The following SLC5A1 variants were observed in gnomAD, a reference collection of about 807,000 sequenced individuals.
SLC5A1 encodes the protein solute carrier family 5 member 1, also known as sodium/glucose cotransporter 1.
A neutral mutation model predicts 73.5 loss-of-function variants in SLC5A1; 42 were observed. The ratio of observed to expected loss-of-function variants is 0.57; its 90% CI spans 0.45 to 0.74. The LOEUF (loss-of-function observed/expected upper bound fraction) is 0.74. Among genes scored for constraint, SLC5A1 ranks in the 30% least tolerant of loss-of-function variants. The pLI, the probability that SLC5A1 is intolerant of heterozygous loss-of-function variation, is 0.00. For synonymous variants in SLC5A1, 300 were observed against 317.4 expected, an observed-to-expected ratio of 0.95 and a Z score of 0.58; for missense variants, 634 against 855.4, an observed-to-expected ratio of 0.74 and a Z score of 3.23.
intron 12 of SLC5A1, among the ~76,000 whole-genome samples, chr22:32,100,042 T>C (rs1466998542): frequency 6.6e-6 from 1 of 152,196 alleles, no homozygotes; most frequent in Non-Finnish European, 1.5e-5. Flanking sequence ...TGGAAGAATT[T>C]GAAGTTGGAG....
intron 4 of SLC5A1, 31 bp from the exon 5 acceptor site, chr22:32,068,465 C>G: frequency 7.3e-7 from 1 of 1,368,932 alleles, no homozygotes; most frequent in Non-Finnish European, 1.0e-6. Context: ...GTCACTGTGG[C>G]TGGCAGTGAC....
chr22:32,060,141 A>G (rs1377395481), intron 2 of SLC5A1, among the ~76,000 whole-genome samples: 3 of 19,096 alleles, frequency 1.6e-4, no homozygotes, highest in African/African-American at 3.2e-4. Flanking sequence ...ATATATATAC[A>G]CATACACACA....
intron 10 of SLC5A1, 21 bp downstream of exon 10, chr22:32,086,348 G>T (rs534687072): frequency 6.6e-7 from 1 of 1,521,546 alleles, no homozygotes; most frequent in South Asian, 1.1e-5. Flanking sequence ...TTCTTGGGAG[G>T]TTGGTAGAGT....
intron 5 of SLC5A1, among the ~76,000 whole-genome samples, chr22:32,080,752 T>C (rs1431873970): frequency 3.3e-5 from 5 of 152,166 alleles, no homozygotes; most frequent in African/African-American, 4.8e-5. Context: ...TCCCAGCACT[T>C]TGGGAGTCCA....
At position 32,069,970 on chromosome 22, in the gene SLC5A1, T is replaced by C. The variant is rs16989834; in HGVS notation, c.477+1370T>C. ...CCCTGCACAAGGCTCCTGCTTTTTC[T>C]TGGAATCAGCTCTGTGGGCCTTTAA... On this transcript the variant is annotated intron_variant, in intron 5 of 14. Transcript: ENST00000266088. 8.9e-3 allele frequency among the ~76,000 whole-genome samples: 1,348 copies of C among 152,264 alleles called. 68 individuals carry two copies. Among genetic ancestry groups the C allele is most frequent in the Admixed American group, 0.079 (1,202 of 15,284 alleles).
intron 10 of SLC5A1, 136 bp downstream of exon 10, chr22:32,086,463 G>C (rs534697469): frequency 1.7e-4 from 121 of 703,078 alleles, no homozygotes; most frequent in Non-Finnish European, 1.0e-5. Flanking sequence ...GCATCATTGT[G>C]GGTGTCCTCA....
intron 4 of SLC5A1, 133 bp from the exon 5 acceptor site, chr22:32,068,363 C>A: frequency 1.3e-6 from 1 of 750,494 alleles, no homozygotes; most frequent in Admixed American, 2.0e-5. Context: ...TCGCAGACTT[C>A]TCTGGCCAGC....
rs545879845 is a variant in SLC5A1 at position 32,057,623 on chromosome 22, C to T, written c.207+7609C>T. On this transcript the variant is annotated intron_variant, in intron 2 of 14. Transcript: ENST00000266088. ...TCCTGAGTGTGCACATGCTGACTTA[C>T]TGTCCTTAGGGTGTGAAAGTAAAGA... Among the ~76,000 whole-genome samples, 12 of 152,276 alleles carry T rather than the reference C, an allele frequency of 7.9e-5. 1 individual carries two copies. In the East Asian group the frequency reaches 1.5e-3, roughly 20 times the overall value.
chr22:32,047,878 C>T (rs886347052), intron 1 of SLC5A1, among the ~76,000 whole-genome samples: 1 of 152,044 alleles, frequency 6.6e-6, no homozygotes, highest in African/African-American at 2.4e-5. Flanking sequence ...ATGCAGACAT[C>T]GGCCGGGCAT....
At chr22:32,104,733 G>A in intron 13 of SLC5A1, 53 bp from the exon 14 acceptor site, 2 of 1,450,454 alleles carry the variant, frequency 1.4e-6, no homozygotes, top group Non-Finnish European at 1.9e-6. Context: ...CCAACTTCTT[G>A]TCCCAAGATG....
intron 1 of SLC5A1, among the ~76,000 whole-genome samples, chr22:32,049,096 ATAT>A (rs2093941008): frequency 1.4e-5 from 2 of 142,924 alleles, no homozygotes; most frequent in Admixed American, 1.4e-4. Flanking sequence ...AAATAAATAT[ATAT>A]ATATATATAT....
At chr22:32,091,326 CA>C (rs2094017087) in intron 10 of SLC5A1, among the ~76,000 whole-genome samples, 3 of 146,264 alleles carry the variant, frequency 2.1e-5, no homozygotes, top group African/African-American at 4.9e-5. Context: ...CACACACACA[CA>C]CACACACACA....
At chr22:32,064,624 G>T (rs537570278) in intron 2 of SLC5A1, among the ~76,000 whole-genome samples, 1 of 152,110 alleles carries the variant, frequency 6.6e-6, no homozygotes, top group African/African-American at 2.4e-5. Context: ...AGTTACTCAA[G>T]TCCCAAATCT....
intron 5 of SLC5A1, 96 bp from the exon 6 acceptor site, chr22:32,081,770 A>G: frequency 5.0e-6 from 4 of 807,594 alleles, no homozygotes; most frequent in Non-Finnish European, 8.9e-6. Flanking sequence ...ATCATCTTGA[A>G]TAAAGCTTGC....
At chr22:32,100,768 T>G (rs1048832637) in intron 12 of SLC5A1, among the ~76,000 whole-genome samples, 1 of 152,178 alleles carries the variant, frequency 6.6e-6, no homozygotes, top group African/African-American at 2.4e-5. Flanking sequence ...GGAACATATT[T>G]TTTTCTTTTT....
At chr22:32,057,342 T>A (rs1281839793) in intron 2 of SLC5A1, among the ~76,000 whole-genome samples, 1 of 152,154 alleles carries the variant, frequency 6.6e-6, no homozygotes, top group Non-Finnish European at 1.5e-5. Context: ...TCACAGCTCA[T>A]CAAAGCCTAG....
chr22:32,080,565 C>T (rs765813054), intron 5 of SLC5A1, among the ~76,000 whole-genome samples: 2 of 152,114 alleles, frequency 1.3e-5, no homozygotes, highest in African/African-American at 2.4e-5. Context: ...AAGAGTCCAA[C>T]CCTGCTGGCC....
chr22:32,109,989 GA>G lies in SLC5A1; in HGVS notation c.1774del (p.Thr592HisfsTer21), dbSNP rs1286396791. The G allele has an allele frequency of 6.2e-7, 1 of 1,613,766 alleles. No individual in the cohort carries two copies. Among genetic ancestry groups the G allele is most frequent in the Non-Finnish European group, 8.5e-7 (1 of 1,179,788 alleles). ...AATAATTCTTCTATGCCTTTGCCCA[GA>G]AACACAAGTTCCTGAGAAGAAAAAA... is the stretch of plus-strand genomic sequence containing the variant. ...QEGPKETIEI[E>X]TQVPEKKKGI... On this transcript the variant is annotated frameshift_variant and splice_region_variant, in exon 15 of 15. Coordinates refer to ENST00000266088, the MANE Select transcript of SLC5A1 (RefSeq NM_000343.4). LOFTEE classifies it high-confidence loss of function.
intron 1 of SLC5A1, among the ~76,000 whole-genome samples, chr22:32,044,697 T>C (rs1380400860): frequency 6.6e-6 from 1 of 152,156 alleles, no homozygotes; most frequent in African/African-American, 2.4e-5. Flanking sequence ...ATGGTTCAAA[T>C]CATGGAACAT....
Sources: gnomAD v4.1 joint callset for allele counts (sites outside exome capture counted in the v4.1 genomes callset) on GRCh38, gnomAD v4.1.1 for gene constraint, MANE v1.5 for transcripts, NCBI Gene and HGNC (gene_info 2026-07-23, HGNC 2026-07-21) for gene names.